FOXP1: variants seen among roughly 807,000 people sequenced by gnomAD.
FOXP1 encodes the protein forkhead box protein P1.
Under a neutral mutation model 98.2 loss-of-function variants are expected in FOXP1, and 15 were observed. The observed-to-expected ratio is 0.15, with a 90% CI of 0.10 to 0.24. The LOEUF (loss-of-function observed/expected upper bound fraction) is 0.24, where lower values mean the gene tolerates loss of function less well. Ranked by LOEUF, FOXP1 falls within the 10% of genes least tolerant of loss-of-function variation. The pLI, the probability that FOXP1 is intolerant of heterozygous loss-of-function variation, is 1.00. For missense variants in FOXP1, 633 were observed against 848.5 expected, an observed-to-expected ratio of 0.75 and a Z score of 3.15; for synonymous variants, 371 against 314.5, an observed-to-expected ratio of 1.18 and a Z score of -1.90.
chr3:71,489,976 T>C lies in FOXP1; in HGVS notation c.-168+3450A>G, dbSNP rs192974055. ...TTACCATGAAACACTTCACTCAGAA[T>C]TAGAGTTTATTTCAAGCCTAAAGAC... On this transcript the variant is annotated intron_variant, in intron 3 of 20. Transcript: ENST00000649528. 5.4e-4 allele frequency among the ~76,000 whole-genome samples: 82 copies of C among 152,270 alleles called. 2 individuals are homozygous for C. In the East Asian group the frequency reaches 0.013, roughly 24 times the overall value.
intron 13 of FOXP1, among the ~76,000 whole-genome samples, chr3:70,995,464 T>C (rs1405678765): frequency 6.6e-6 from 1 of 152,190 alleles, no homozygotes; most frequent in Non-Finnish European, 1.5e-5. Context: ...CTGTACATCA[T>C]TCCAAAAGAA....
intron 4 of FOXP1, among the ~76,000 whole-genome samples, chr3:71,340,037 G>A (rs951938203): frequency 6.6e-6 from 1 of 152,194 alleles, no homozygotes; most frequent in African/African-American, 2.4e-5. Context: ...TCATGTCAAA[G>A]TAAATACCCT....
At chr3:71,078,829 T>C (rs1189451180) in intron 7 of FOXP1, among the ~76,000 whole-genome samples, 2 of 152,086 alleles carry the variant, frequency 1.3e-5, no homozygotes, top group South Asian at 2.1e-4. Flanking sequence ...TTGGAGCCAC[T>C]AGTCATAAAT....
chr3:71,288,487 C>T (rs1050138853), intron 5 of FOXP1: 4 of 152,180 alleles, frequency 2.6e-5, no homozygotes, highest in Non-Finnish European at 5.9e-5. Context: ...GATAGACAGA[C>T]GTGGCTCAGG....
intron 6 of FOXP1, chr3:71,130,642 G>A (rs2059515888): frequency 1.3e-6 from 2 of 1,597,830 alleles, no homozygotes; most frequent in African/African-American, 1.3e-5. Flanking sequence ...AGGAAGTACT[G>A]TGCGGCTGAA....
chr3:71,461,481 G>C (rs766350563), intron 3 of FOXP1, among the ~76,000 whole-genome samples: 1 of 152,132 alleles, frequency 6.6e-6, no homozygotes, highest in Non-Finnish European at 1.5e-5. Context: ...GCGACAGAAT[G>C]AGACCCTGTC....
intron 3 of FOXP1, among the ~76,000 whole-genome samples, chr3:71,378,157 A>C (rs1214235504): frequency 6.6e-6 from 1 of 151,080 alleles, no homozygotes; most frequent in Non-Finnish European, 1.5e-5. Flanking sequence ...ACACAAAGGA[A>C]GGCAAAAAGT....
At chr3:71,548,500 G>A (rs2045539700) in intron 2 of FOXP1, among the ~76,000 whole-genome samples, 1 of 152,060 alleles carries the variant, frequency 6.6e-6, no homozygotes, top group Non-Finnish European at 1.5e-5. Flanking sequence ...CAACCGTCAG[G>A]ACTCAAGCAA....
Position 70,959,034 on chromosome 3 carries a change from C to T in FOXP1, c.*213G>A. The T allele has an allele frequency of 1.8e-6, 1 of 553,798 alleles. No individual in the cohort carries two copies. The highest frequency in any genetic ancestry group is 3.2e-6 in the Non-Finnish European group (1 of 313,202). The allele number at this position is 553,798 out of a possible 1,614,324, so 34.3% of individuals were successfully genotyped here. A position where few individuals can be genotyped will look rare whatever the true frequency, so the allele number is the denominator to read the frequency against. ...CCATCCAATGCACAGAGTACAAATTCCTTTTTTCAACAAAAAGTAGAAAAA... is the reference window on the plus strand; with the variant it reads ...CCATCCAATGCACAGAGTACAAATTTCTTTTTTCAACAAAAAGTAGAAAAA... On this transcript the variant is annotated 3_prime_UTR_variant, in exon 21 of 21. Transcript: ENST00000649528.
At chr3:71,484,252 G>A (rs1295078391) in intron 3 of FOXP1, among the ~76,000 whole-genome samples, 2 of 152,078 alleles carry the variant, frequency 1.3e-5, no homozygotes, top group African/African-American at 2.4e-5. Context: ...AATAATACAC[G>A]TCCCTTGAAA....
At chr3:71,013,467 G>A (rs1005424168) in intron 12 of FOXP1, among the ~76,000 whole-genome samples, 10 of 152,134 alleles carry the variant, frequency 6.6e-5, no homozygotes, top group African/African-American at 2.4e-4. Flanking sequence ...TCTTCAAGGA[G>A]AACTACAAAC....
intron 3 of FOXP1, among the ~76,000 whole-genome samples, chr3:71,368,786 A>G (rs2079091593): frequency 6.6e-6 from 1 of 152,202 alleles, no homozygotes; most frequent in South Asian, 2.1e-4. Flanking sequence ...TTCTAAGCCC[A>G]TGATGGAAGG....
chr3:71,137,869 C>T (rs2059898743), intron 6 of FOXP1, among the ~76,000 whole-genome samples: 1 of 151,624 alleles, frequency 6.6e-6, no homozygotes, highest in Admixed American at 6.6e-5. Context: ...ACAAGTTGTG[C>T]CTTCTCCCCT....
At chr3:71,375,499 G>A (rs1231343328) in intron 3 of FOXP1, among the ~76,000 whole-genome samples, 2 of 152,054 alleles carry the variant, frequency 1.3e-5, no homozygotes, top group African/African-American at 4.8e-5. Context: ...CTTAGGAAAC[G>A]TAAACTCTAG....
At chr3:71,188,399 TTTTC>T (rs1166458168) in intron 6 of FOXP1, among the ~76,000 whole-genome samples, 2 of 151,628 alleles carry the variant, frequency 1.3e-5, no homozygotes, top group South Asian at 2.1e-4. Context: ...TTGCCTCTTT[TTTTC>T]TTTATTTTTT....
At chr3:71,008,332 G>C (rs1173513080) in intron 12 of FOXP1, among the ~76,000 whole-genome samples, 4 of 152,158 alleles carry the variant, frequency 2.6e-5, no homozygotes, top group African/African-American at 7.2e-5. Context: ...GTTTTTACTA[G>C]TGAAGATTGT....
At chr3:71,035,851 T>C (rs2106765804) in intron 11 of FOXP1, among the ~76,000 whole-genome samples, 1 of 152,222 alleles carries the variant, frequency 6.6e-6, no homozygotes, top group Non-Finnish European at 1.5e-5. Context: ...CAACAGGTCC[T>C]ACATATCACA....
intron 11 of FOXP1, among the ~76,000 whole-genome samples, chr3:71,025,331 G>A (rs2045966734): frequency 6.6e-6 from 1 of 152,058 alleles, no homozygotes; most frequent in South Asian, 2.1e-4. Context: ...GTTCTGGGTG[G>A]TGGGGTGGCG....
chr3:70,982,932 A>G (rs1486140026), intron 14 of FOXP1, among the ~76,000 whole-genome samples: 1 of 152,202 alleles, frequency 6.6e-6, no homozygotes, highest in African/African-American at 2.4e-5. Flanking sequence ...CAAGGGACAC[A>G]ACTGCGTAGT....
Sources: gnomAD v4.1 joint callset for allele counts (sites outside exome capture counted in the v4.1 genomes callset) on GRCh38, gnomAD v4.1.1 for gene constraint, MANE v1.5 for transcripts, NCBI Gene and HGNC (gene_info 2026-07-23, HGNC 2026-07-21) for gene names.